The following SPATA16 variants were observed in gnomAD, a reference collection of about 807,000 sequenced individuals.
The protein encoded by SPATA16 is spermatogenesis-associated protein 16.
Under a neutral mutation model 63.3 loss-of-function variants are expected in SPATA16, and 36 were observed. The observed-to-expected ratio is 0.57, with a 90% CI of 0.44 to 0.75. The LOEUF (loss-of-function observed/expected upper bound fraction) is 0.75, where lower values mean the gene tolerates loss of function less well. Among genes scored for constraint, SPATA16 ranks in the 30% least tolerant of loss-of-function variants. The probability of loss-of-function intolerance (pLI) is 0.00; values close to 1 mark genes in which losing one functional copy is unlikely to be tolerated. For synonymous variants in SPATA16, 203 were observed against 216.7 expected (o/e 0.94, Z 0.56); for missense variants, 646 against 679.3 (o/e 0.95, Z 0.54).
chr3:172,942,455 GTTAACA>G (rs1733176597), intron 6 of SPATA16, among the ~76,000 whole-genome samples: 1 of 151,968 alleles, frequency 6.6e-6, no homozygotes, highest in African/African-American at 2.4e-5. Flanking sequence ...TACAAAAAAC[GTTAACA>G]TTAAGGTGAA....
intron 6 of SPATA16, among the ~76,000 whole-genome samples, chr3:172,945,098 TATACA>T (rs1733248747): frequency 6.6e-6 from 1 of 152,210 alleles, no homozygotes; most frequent in African/African-American, 2.4e-5. Flanking sequence ...GAACTTCAAC[TATACA>T]ATACTTTTAA....
At chr3:173,061,458 T>A (rs536361233) in intron 2 of SPATA16, among the ~76,000 whole-genome samples, 1 of 152,220 alleles carries the variant, frequency 6.6e-6, no homozygotes, top group Admixed American at 6.5e-5. Flanking sequence ...GTTATTGTAC[T>A]TTTTAAAAAT....
chr3:172,943,962 AT>A (rs1178110790), intron 6 of SPATA16, among the ~76,000 whole-genome samples: 1 of 152,190 alleles, frequency 6.6e-6, no homozygotes, highest in East Asian at 1.9e-4. Flanking sequence ...AAATTTGAAA[AT>A]TTTTAAGAAT....
At chr3:172,968,498 A>G (rs766100213) in intron 5 of SPATA16, among the ~76,000 whole-genome samples, 18 of 152,244 alleles carry the variant, frequency 1.2e-4, no homozygotes, top group Non-Finnish European at 2.5e-4. Context: ...GGTAGTAAAA[A>G]GCAACCTTAC....
chr3:173,113,181 C>A (rs1737795207), intron 2 of SPATA16, among the ~76,000 whole-genome samples: 1 of 152,068 alleles, frequency 6.6e-6, no homozygotes, highest in African/African-American at 2.4e-5. Context: ...AATAGAATCC[C>A]TACTGTTTTT....
At chr3:172,976,514 C>A (rs1734162436) in intron 5 of SPATA16, among the ~76,000 whole-genome samples, 1 of 152,074 alleles carries the variant, frequency 6.6e-6, no homozygotes, top group South Asian at 2.1e-4. Context: ...GAAACAAGAT[C>A]TGCAATTTGA....
intron 10 of SPATA16, among the ~76,000 whole-genome samples, chr3:172,897,013 A>G (rs748538235): frequency 6.6e-6 from 1 of 152,128 alleles, no homozygotes; most frequent in African/African-American, 2.4e-5. Context: ...AGAAGTTTGC[A>G]TAGACCAAAA....
At chr3:172,935,233 G>T (rs1388644434) in intron 6 of SPATA16, among the ~76,000 whole-genome samples, 2 of 152,178 alleles carry the variant, frequency 1.3e-5, no homozygotes, top group African/African-American at 2.4e-5. Flanking sequence ...AGAAGGTTGA[G>T]GTGTGAGGAT....
At chr3:172,970,399 A>G (rs1734023379) in intron 5 of SPATA16, among the ~76,000 whole-genome samples, 1 of 152,192 alleles carries the variant, frequency 6.6e-6, no homozygotes, top group Non-Finnish European at 1.5e-5. Context: ...AAGCTCAAAT[A>G]AACTAATTTT....
At chr3:173,006,957 A>C (rs1211929337) in intron 4 of SPATA16, among the ~76,000 whole-genome samples, 1 of 152,216 alleles carries the variant, frequency 6.6e-6, no homozygotes, top group Admixed American at 6.5e-5. Context: ...TCAAAAATGA[A>C]TACTTTAATG....
At chr3:172,981,228 C>A (rs1734309014) in intron 4 of SPATA16, among the ~76,000 whole-genome samples, 1 of 152,216 alleles carries the variant, frequency 6.6e-6, no homozygotes. Context: ...AATCTCTCAC[C>A]TGGATTACTG....
chr3:173,078,486 A>G (rs959604214), intron 2 of SPATA16, among the ~76,000 whole-genome samples: 2 of 152,228 alleles, frequency 1.3e-5, no homozygotes, highest in Admixed American at 1.3e-4. Flanking sequence ...AAATATAGTC[A>G]AAGACTGAAC....
At chr3:173,040,130 ACTT>A (rs1472848100) in intron 3 of SPATA16, among the ~76,000 whole-genome samples, 3 of 151,550 alleles carry the variant, frequency 2.0e-5, no homozygotes, top group Non-Finnish European at 4.4e-5. Context: ...CTCCTCCTTT[ACTT>A]CTTTAGTAAA....
intron 4 of SPATA16, among the ~76,000 whole-genome samples, chr3:172,983,759 TCA>T (rs907215565): frequency 3.3e-5 from 5 of 149,776 alleles, no homozygotes; most frequent in Non-Finnish European, 6.0e-5. Flanking sequence ...ACACACACAC[TCA>T]CACACACACA....
chr3:173,088,130 G>C (rs1036223642), intron 2 of SPATA16, among the ~76,000 whole-genome samples: 1 of 141,604 alleles, frequency 7.1e-6, no homozygotes, highest in African/African-American at 2.7e-5. Flanking sequence ...CTGTTGCCAG[G>C]CTGAACTGCA....
intron 2 of SPATA16, among the ~76,000 whole-genome samples, chr3:173,082,249 T>C (rs561854086): frequency 6.6e-6 from 1 of 152,262 alleles, no homozygotes; most frequent in Non-Finnish European, 1.5e-5. Flanking sequence ...TAACAAACCA[T>C]TAAACAAAGT....
At chr3:172,925,788 G>T (rs566966537) in intron 6 of SPATA16, among the ~76,000 whole-genome samples, 24 of 152,050 alleles carry the variant, frequency 1.6e-4, no homozygotes, top group African/African-American at 5.8e-4. Context: ...CAGCTTGCAG[G>T]CTTATTATTT....
rs1732896733 is a variant in SPATA16 at position 172,932,571 on chromosome 3, C to T, written c.1082-7079G>A. ...ATCGTGTTCTGAGTTTTATTTTGTA[C>T]TCTTTTTAATGCTAATACTTCTATC... On this transcript the variant is annotated intron_variant, in intron 6 of 10. Transcript: ENST00000351008. Among the ~76,000 whole-genome samples the T allele has an allele frequency of 2.0e-5, 3 of 152,224 alleles. No individual in the cohort carries two copies. In the South Asian group the frequency reaches 6.2e-4, roughly 32 times the overall value.
In SPATA16 at chr3:172,910,633, T is replaced by C. The variant is rs190558936; in HGVS notation, c.1587+3028A>G. 2.5e-3 allele frequency among the ~76,000 whole-genome samples: 388 copies of C among 152,202 alleles called. 3 individuals carry two copies. The highest frequency in any genetic ancestry group is 9.0e-3 in the African/African-American group (372 of 41,530). On this transcript the variant is annotated intron_variant, in intron 10 of 10. Transcript: ENST00000351008. ...TCTATAGCCAACAGAGATATGTGAT[T>C]ATATTGCTTGAGTCTCATGAGGACC...
Sources: allele counts gnomAD v4.1 joint callset (sites outside exome capture counted in the v4.1 genomes callset), GRCh38; gene constraint gnomAD v4.1.1; transcripts MANE v1.5; gene names NCBI Gene and HGNC (gene_info 2026-07-23, HGNC 2026-07-21).